The following ST6GALNAC3 variants were observed in gnomAD, a reference collection of about 807,000 sequenced individuals.
The protein encoded by ST6GALNAC3 is ST6 N-acetylgalactosaminide alpha-2,6-sialyltransferase 3, also known as alpha-N-acetylgalactosaminide alpha-2,6-sialyltransferase 3.
In ST6GALNAC3, 25 loss-of-function variants were observed where a neutral mutation model predicts 32.7. That is an observed-to-expected ratio of 0.76 (90% confidence interval 0.56 to 1.07). The LOEUF (loss-of-function observed/expected upper bound fraction) is 1.07. Among genes scored for constraint, ST6GALNAC3 ranks in the 50% least tolerant of loss-of-function variants. The pLI is 0.00. For missense variants in ST6GALNAC3, 355 were observed against 382.4 expected (o/e 0.93, Z 0.60); for synonymous variants, 129 against 133.1 (o/e 0.97, Z 0.21).
intron 1 of ST6GALNAC3, among the ~76,000 whole-genome samples, chr1:76,227,478 C>T (rs1344134197): frequency 6.6e-6 from 1 of 152,156 alleles, no homozygotes; most frequent in Non-Finnish European, 1.5e-5. Context: ...ACCTTTGTAT[C>T]TTTATCACCA....
chr1:76,316,998 A>G (rs954273688), intron 2 of ST6GALNAC3, among the ~76,000 whole-genome samples: 1 of 152,134 alleles, frequency 6.6e-6, no homozygotes, highest in African/African-American at 2.4e-5. Flanking sequence ...TAAGCAACTT[A>G]TTTCTCTAGT....
intron 3 of ST6GALNAC3, among the ~76,000 whole-genome samples, chr1:76,519,236 C>T (rs1045907780): frequency 3.3e-5 from 5 of 151,898 alleles, no homozygotes; most frequent in Non-Finnish European, 7.4e-5. Context: ...ATAAAGCTTC[C>T]TGAGACCCTG....
chr1:76,414,887 C>A, intron 3 of ST6GALNAC3, among the ~76,000 whole-genome samples: 1 of 151,836 alleles, frequency 6.6e-6, no homozygotes, highest in East Asian at 1.9e-4. Context: ...GCAAATTTCC[C>A]AATTGTCTCA....
intron 3 of ST6GALNAC3, among the ~76,000 whole-genome samples, chr1:76,517,473 A>T (rs954446773): frequency 6.6e-6 from 1 of 151,762 alleles, no homozygotes; most frequent in Admixed American, 6.6e-5. Context: ...GATTTTATTT[A>T]TTCTTGCAGA....
chr1:76,449,627 CATT>C (rs1657242785), intron 3 of ST6GALNAC3, among the ~76,000 whole-genome samples: 1 of 152,164 alleles, frequency 6.6e-6, no homozygotes, highest in Non-Finnish European at 1.5e-5. Context: ...CATGATATTT[CATT>C]GTTACTTTAA....
At chr1:76,437,505 A>T (rs73006146) in intron 3 of ST6GALNAC3, among the ~76,000 whole-genome samples, 40,986 of 151,650 alleles carry the variant, frequency 0.27, 6,221 homozygotes, top group Admixed American at 0.37. Flanking sequence ...GTGCCCAATG[A>T]AGTCTTTTTT....
In ST6GALNAC3 at chr1:76,325,389, T is replaced by C. The variant is rs76767679; in HGVS notation, c.213+11390T>C. The stretch of plus-strand genomic sequence containing the variant: ...GAACAGCTGTGCAAGTCAGTGTGGC[T>C]TTCTAATCTCTTTCATCTATACTTA... On this transcript the variant is annotated intron_variant, in intron 2 of 4. Coordinates refer to ENST00000328299, the MANE Select transcript of ST6GALNAC3 (RefSeq NM_152996.4). Among the ~76,000 whole-genome samples the C allele has an allele frequency of 8.2e-3, 1,242 of 152,274 alleles. 7 individuals carry two copies. Among genetic ancestry groups the C allele is most frequent in the Non-Finnish European group, 0.012 (808 of 68,012 alleles).
At chr1:76,615,647 A>G (rs1485573703) in intron 3 of ST6GALNAC3, among the ~76,000 whole-genome samples, 1 of 152,224 alleles carries the variant, frequency 6.6e-6, no homozygotes, top group African/African-American at 2.4e-5. Context: ...GACTGTTACA[A>G]TGTAGGAAAA....
intron 1 of ST6GALNAC3, among the ~76,000 whole-genome samples, chr1:76,158,646 A>G (rs971672104): frequency 1.3e-5 from 2 of 152,242 alleles, no homozygotes; most frequent in Non-Finnish European, 2.9e-5. Context: ...TACTTTAATT[A>G]CTACAGGAGA....
chr1:76,382,455 T>C (rs1464957767), intron 2 of ST6GALNAC3, among the ~76,000 whole-genome samples: 1 of 152,164 alleles, frequency 6.6e-6, no homozygotes, highest in African/African-American at 2.4e-5. Flanking sequence ...AAGAGATATG[T>C]TTAATAGCAG....
At chr1:76,309,889 G>A (rs1646724116) in intron 1 of ST6GALNAC3, 7 of 452,790 alleles carry the variant, frequency 1.5e-5, no homozygotes, top group South Asian at 1.1e-4. Context: ...GGCAGACATG[G>A]GTTGCCAGGG....
intron 3 of ST6GALNAC3, among the ~76,000 whole-genome samples, chr1:76,430,782 C>T (rs751709253): frequency 3.9e-5 from 6 of 152,134 alleles, no homozygotes; most frequent in Admixed American, 2.6e-4. Flanking sequence ...GCAGAGTTCT[C>T]AGTGTATATT....
intron 3 of ST6GALNAC3, among the ~76,000 whole-genome samples, chr1:76,605,090 C>T (rs1376871833): frequency 6.6e-6 from 1 of 152,000 alleles, no homozygotes; most frequent in Non-Finnish European, 1.5e-5. Flanking sequence ...TGGAGAGCCT[C>T]CAGAGACTCT....
chr1:76,122,530 C>T (rs1376860216), intron 1 of ST6GALNAC3, among the ~76,000 whole-genome samples: 4 of 152,148 alleles, frequency 2.6e-5, no homozygotes. Context: ...CCAAGGTGAA[C>T]CGAAGACTCC....
chr1:76,624,919 C>T (rs544283483), intron 3 of ST6GALNAC3, among the ~76,000 whole-genome samples: 12 of 152,052 alleles, frequency 7.9e-5, no homozygotes, highest in Admixed American at 2.0e-4. Flanking sequence ...CATGTTTGCT[C>T]ATTACAACAT....
intron 3 of ST6GALNAC3, among the ~76,000 whole-genome samples, chr1:76,455,102 A>AT (rs141988038): frequency 0.018 from 2,715 of 151,840 alleles, 77 homozygotes; most frequent in African/African-American, 0.059. Flanking sequence ...TCATCTGTTA[A>AT]TTTTTTTATT....
intron 1 of ST6GALNAC3, among the ~76,000 whole-genome samples, chr1:76,275,348 A>G (rs955267702): frequency 6.6e-6 from 1 of 152,222 alleles, no homozygotes; most frequent in Non-Finnish European, 1.5e-5. Context: ...AAACTCAGAT[A>G]TGCAATAAAT....
At chr1:76,184,606 G>T (rs1310140079) in intron 1 of ST6GALNAC3, among the ~76,000 whole-genome samples, 3 of 151,572 alleles carry the variant, frequency 2.0e-5, no homozygotes, top group Admixed American at 2.0e-4. Flanking sequence ...TTCAGAGTTT[G>T]CCCGGGACTA....
chr1:76,132,849 G>A (rs1367423783), intron 1 of ST6GALNAC3, among the ~76,000 whole-genome samples: 4 of 152,128 alleles, frequency 2.6e-5, no homozygotes, highest in East Asian at 1.9e-4. Context: ...CTTCATCTAC[G>A]TCCTGTCTGG....
Sources: allele counts gnomAD v4.1 joint callset (sites outside exome capture counted in the v4.1 genomes callset), GRCh38; gene constraint gnomAD v4.1.1; transcripts MANE v1.5; gene names NCBI Gene and HGNC (gene_info 2026-07-23, HGNC 2026-07-21).